Variants in TBC1D5 observed in about 807,000 individuals in gnomAD.
TBC1D5 encodes TBC1 domain family, member 5.
TBC1D5 carries 75 observed loss-of-function variants against 100.3 expected under a neutral mutation model. The ratio of observed to expected loss-of-function variants is 0.75; its 90% CI spans 0.62 to 0.91. The LOEUF is 0.91. Ranked by LOEUF, TBC1D5 falls within the 40% of genes least tolerant of loss-of-function variation. The pLI is 0.00. For missense variants in TBC1D5, 910 were observed against 942.4 expected (o/e 0.97, Z 0.45); for synonymous variants, 323 against 325.6 (o/e 0.99, Z 0.09).
chr3:17,357,923 A>C (rs1243009028), intron 13 of TBC1D5, among the ~76,000 whole-genome samples: 1 of 152,206 alleles, frequency 6.6e-6, no homozygotes, highest in Non-Finnish European at 1.5e-5. Flanking sequence ...ACAGAAAATA[A>C]AATCCTATTA....
intron 15 of TBC1D5, among the ~76,000 whole-genome samples, chr3:17,286,920 C>CT (rs1027929451): frequency 1.2e-4 from 18 of 152,276 alleles, no homozygotes; most frequent in African/African-American, 3.6e-4. Flanking sequence ...CTGGATAAGA[C>CT]TGTCTAGGTT....
intron 8 of TBC1D5, among the ~76,000 whole-genome samples, chr3:17,402,358 G>C (rs2093669972): frequency 6.6e-6 from 1 of 152,070 alleles, no homozygotes; most frequent in Non-Finnish European, 1.5e-5. Flanking sequence ...AGATACTCAC[G>C]ATTCTGCACA....
chr3:17,274,712 G>A (rs942871429), intron 15 of TBC1D5, among the ~76,000 whole-genome samples: 1 of 152,108 alleles, frequency 6.6e-6, no homozygotes, highest in African/African-American at 2.4e-5. Flanking sequence ...ACTTTAAGTA[G>A]AATAAATCTG....
chr3:17,514,148 TTAAG>T (rs1442951647), intron 2 of TBC1D5, among the ~76,000 whole-genome samples: 3 of 152,182 alleles, frequency 2.0e-5, no homozygotes, highest in African/African-American at 4.8e-5. Context: ...TTTAAGTTAA[TTAAG>T]TATTAAAATC....
chr3:17,614,003 GT>G (rs56778138), intron 2 of TBC1D5, among the ~76,000 whole-genome samples: 1 of 152,278 alleles, frequency 6.6e-6, no homozygotes, highest in African/African-American at 2.4e-5. Flanking sequence ...TTTTTCTAGA[GT>G]TTTTATGGTT....
intron 2 of TBC1D5, among the ~76,000 whole-genome samples, chr3:17,574,502 C>T (rs546014421): frequency 4.6e-5 from 7 of 152,198 alleles, no homozygotes; most frequent in Admixed American, 4.6e-4. Flanking sequence ...ACTGTTAGCA[C>T]AGTGGAGTCT....
At chr3:17,660,199 ATAAT>A (rs1357905146) in intron 1 of TBC1D5, among the ~76,000 whole-genome samples, 2 of 152,238 alleles carry the variant, frequency 1.3e-5, no homozygotes, top group Admixed American at 1.3e-4. Flanking sequence ...AAATAAGAAA[ATAAT>A]TAATTAAAAG....
At chr3:17,333,218 A>C (rs2151203315) in intron 13 of TBC1D5, 2 of 152,496 alleles carry the variant, frequency 1.3e-5, no homozygotes, top group Admixed American at 1.3e-4. Context: ...AACAAAGCAA[A>C]ACCAATTACC....
intron 3 of TBC1D5, among the ~76,000 whole-genome samples, chr3:17,470,091 C>T (rs1382576808): frequency 1.3e-5 from 2 of 152,224 alleles, no homozygotes; most frequent in Admixed American, 1.3e-4. Context: ...CATAGTCTAA[C>T]TTTGCAGACC....
chr3:17,344,905 C>A (rs1247273003), intron 13 of TBC1D5, among the ~76,000 whole-genome samples: 1 of 152,116 alleles, frequency 6.6e-6, no homozygotes, highest in African/African-American at 2.4e-5. Flanking sequence ...ACACCTTATA[C>A]AAAAATTAAT....
chr3:17,164,558 G>C (rs1254024242), intron 21 of TBC1D5, among the ~76,000 whole-genome samples: 1 of 152,214 alleles, frequency 6.6e-6, no homozygotes, highest in Non-Finnish European at 1.5e-5. Context: ...GGCTGTGGAA[G>C]CCTTCGGAAC....
chr3:17,400,065 T>C (rs1012656423), intron 8 of TBC1D5, among the ~76,000 whole-genome samples: 1 of 152,108 alleles, frequency 6.6e-6, no homozygotes, highest in Non-Finnish European at 1.5e-5. Context: ...TCTTTATCTA[T>C]ACATGCTTAC....
intron 13 of TBC1D5, 86 bp from the exon 14 acceptor site, chr3:17,308,220 T>A: frequency 6.0e-6 from 8 of 1,329,362 alleles, no homozygotes; most frequent in Non-Finnish European, 7.9e-6. Context: ...TGAAAAACTA[T>A]TAACTGAACA....
chr3:17,595,599 T>C (rs1181929396), intron 2 of TBC1D5, among the ~76,000 whole-genome samples: 1 of 152,218 alleles, frequency 6.6e-6, no homozygotes, highest in Non-Finnish European at 1.5e-5. Flanking sequence ...CTTTAGGTCA[T>C]CAATCTTCAC....
chr3:17,695,166 T>G (rs1182018547), intron 1 of TBC1D5, among the ~76,000 whole-genome samples: 1 of 152,110 alleles, frequency 6.6e-6, no homozygotes, highest in African/African-American at 2.4e-5. Flanking sequence ...AGACCATCAA[T>G]GCTATGAAGA....
At chr3:17,301,067 T>G (rs1006456153) in intron 14 of TBC1D5, among the ~76,000 whole-genome samples, 8 of 141,366 alleles carry the variant, frequency 5.7e-5, no homozygotes, top group African/African-American at 8.0e-5. Flanking sequence ...AAACTCCGTC[T>G]CAGAAAAAAA....
Position 17,597,007 on chromosome 3 carries a change from A to C in TBC1D5, c.-36+26842T>G, listed in dbSNP as rs79544992. 7.4e-3 allele frequency among the ~76,000 whole-genome samples: 1,120 copies of C among 152,336 alleles called. 10 individuals carry two copies. Among genetic ancestry groups the C allele is most frequent in the Middle Eastern group, 0.048 (14 of 294 alleles). On this transcript the variant is annotated intron_variant, in intron 2 of 21. Transcript: ENST00000253692. ...AGATTCTAATAAATTATAAAACTCT[A>C]AACTTTCACCCAAGGTTAACAGAAC...
At chr3:17,735,900 T>TA (rs1457159099) in intron 1 of TBC1D5, among the ~76,000 whole-genome samples, 1 of 152,158 alleles carries the variant, frequency 6.6e-6, no homozygotes, top group South Asian at 2.1e-4. Flanking sequence ...CAAGATTTAA[T>TA]AGAGTGAAAA....
At chr3:17,166,793 C>CGCTCTGGCCTTGGCCTCG in exon 21 of TBC1D5, 5 of 1,612,064 alleles carry the variant, frequency 3.1e-6, no homozygotes, top group South Asian at 1.1e-5. Context: ...GACATTTGAA[C>CGCTCTGGCCTTGGCCTCG]GCTCTGGCCT....
Sources: allele counts gnomAD v4.1 joint callset (sites outside exome capture counted in the v4.1 genomes callset), GRCh38; gene constraint gnomAD v4.1.1; transcripts MANE v1.5; gene names NCBI Gene and HGNC (gene_info 2026-07-23, HGNC 2026-07-21).